Variants in TTC22 observed in about 807,000 individuals in gnomAD.
The protein encoded by TTC22 is tetratricopeptide repeat domain 22.
TTC22 carries 42 observed loss-of-function variants against 48.2 expected under a neutral mutation model. The ratio of observed to expected loss-of-function variants is 0.87; its 90% CI spans 0.68 to 1.13. TTC22 has a LOEUF of 1.13. TTC22 is among the 50% of genes most tolerant of loss of function. The pLI is 0.00. For synonymous variants in TTC22, 345 were observed against 365.5 expected, an observed-to-expected ratio of 0.94 and a Z score of 0.64; for missense variants, 784 against 807.0, an observed-to-expected ratio of 0.97 and a Z score of 0.34.
chr1:54,795,220 C>T (rs1646381646), intron 1 of TTC22, among the ~76,000 whole-genome samples: 1 of 152,268 alleles, frequency 6.6e-6, no homozygotes, highest in Admixed American at 6.5e-5. Flanking sequence ...CATCTGCAAA[C>T]AGGGGTGACC....
In TTC22 at chr1:54,787,404, G is replaced by A. The variant is rs1209469123; in HGVS notation, c.739+307C>T. The A allele has an allele frequency of 6.8e-5, 38 of 558,402 alleles. 1 individual carries two copies. Among genetic ancestry groups the A allele is most frequent in the South Asian group, 5.4e-4 (25 of 45,976 alleles). The allele number at this position is 558,402 out of a possible 1,614,324, so 34.6% of individuals were successfully genotyped here. On this transcript the variant is annotated intron_variant, in intron 3 of 6. Transcript: ENST00000371276. ...GTCTGGCCCTGCAAAAAAATGACTCGACTCCTCTCCAACAGAGGCTTCAAT... is the reference window on the plus strand; with the variant it reads ...GTCTGGCCCTGCAAAAAAATGACTCAACTCCTCTCCAACAGAGGCTTCAAT...
intron 1 of TTC22, among the ~76,000 whole-genome samples, chr1:54,799,806 C>T (rs1456369941): frequency 1.3e-5 from 2 of 152,214 alleles, no homozygotes; most frequent in African/African-American, 4.8e-5. Flanking sequence ...CAGGCTCTTT[C>T]TAGGTGCTTT....
At chr1:54,789,250 C>A (rs920885468) in intron 1 of TTC22, among the ~76,000 whole-genome samples, 1 of 152,190 alleles carries the variant, frequency 6.6e-6, no homozygotes. Context: ...GAGAGTGGTA[C>A]AGAGGAAGTG....
At chr1:54,796,884 C>G (rs967946393) in intron 1 of TTC22, among the ~76,000 whole-genome samples, 1 of 151,966 alleles carries the variant, frequency 6.6e-6, no homozygotes, top group African/African-American at 2.4e-5. Context: ...GAGAAAAGCC[C>G]AAGACAGAAT....
chr1:54,781,787 CG>C lies in TTC22; in HGVS notation c.1174-9del, dbSNP rs1023459201. 8 of 1,408,128 alleles carry C rather than the reference CG, an allele frequency of 5.7e-6. No homozygotes were observed. In the Admixed American group the frequency reaches 2.1e-4, roughly 38 times the overall value. 87.2% of individuals were successfully genotyped at this position (1,408,128 alleles called of 1,614,324 possible). A position where few individuals can be genotyped will look rare whatever the true frequency, so the allele number is the denominator to read the frequency against. Reference sequence around the variant, plus strand: ...GCCCATATAGTAGTAGACCTGGGGTCGGGGACGCGGGGTGAGCCCTTCACCG... The same window carrying C: ...GCCCATATAGTAGTAGACCTGGGGTCGGGACGCGGGGTGAGCCCTTCACCG... On this transcript the variant is annotated splice_polypyrimidine_tract_variant and intron_variant, in intron 6 of 6. Coordinates refer to ENST00000371276, the MANE Select transcript of TTC22 (RefSeq NM_001114108.2).
intron 1 of TTC22, among the ~76,000 whole-genome samples, chr1:54,797,545 G>A (rs1453426675): frequency 6.6e-6 from 1 of 152,152 alleles, no homozygotes; most frequent in Non-Finnish European, 1.5e-5. Flanking sequence ...CTACTTGGGA[G>A]GCTGAGCTGA....
In TTC22 at chr1:54,781,485, C is replaced by A; in HGVS notation, c.1468G>T (p.Asp490Tyr). Residue 490 changes from aspartate (D) to tyrosine (Y), a missense_variant, in exon 7 of 7, where the codon GAC becomes TAC. By Grantham distance (160) the Asp-to-Tyr change is radical. Transcript: ENST00000371276. ...TCCACCTCGCGGCCCAGCTCCCCGT[C>A]GCTCAGCTGTGCCTGGCTCCACTGC... Reference protein sequence around the residue: ...LAQWSQAQLSDGELGREVDAW... With the variant: ...LAQWSQAQLSYGELGREVDAW... The A allele has an allele frequency of 1.4e-6, 2 of 1,479,338 alleles. No homozygotes were observed. The highest frequency in any genetic ancestry group is 8.9e-7 in the Non-Finnish European group (1 of 1,124,256). The allele number at this position is 1,479,338 out of a possible 1,614,324, so 91.6% of individuals were successfully genotyped here. A position where few individuals can be genotyped will look rare whatever the true frequency, so the allele number is the denominator to read the frequency against.
rs1226132441 is a variant in TTC22 at position 54,781,521 on chromosome 1, C to T, written c.1432G>A (p.Ala478Thr). The T allele has an allele frequency of 6.6e-7, 1 of 1,512,882 alleles. No individual in the cohort carries two copies. The highest frequency in any genetic ancestry group is 8.8e-7 in the Non-Finnish European group (1 of 1,138,082). The allele number at this position is 1,512,882 out of a possible 1,614,324, so 93.7% of individuals were successfully genotyped here. ...GCCTGGCTCCACTGCGCCAGCAGCGCCTCGAGCAGGCAGCCGAAGCCGTCG... is the reference window on the plus strand; with the variant it reads ...GCCTGGCTCCACTGCGCCAGCAGCGTCTCGAGCAGGCAGCCGAAGCCGTCG... ...HTDGFGCLLE[A>T]LLAQWSQAQL... is the part of the protein sequence containing the mutation. Residue 478 changes from alanine (A) to threonine (T), a missense_variant, in exon 7 of 7, where the codon GCG becomes ACG. Ala to Thr is a moderately conservative substitution (Grantham distance 58). Coordinates refer to ENST00000371276, the MANE Select transcript of TTC22 (RefSeq NM_001114108.2).
chr1:54,786,195 G>C lies in TTC22; in HGVS notation c.859-51C>G, dbSNP rs761345449. 1.0e-5 allele frequency: 16 copies of C among 1,579,050 alleles called. No homozygotes were observed. In the Admixed American group the frequency reaches 2.5e-4, roughly 25 times the overall value. On this transcript the variant is annotated intron_variant, in intron 4 of 6. Transcript: ENST00000371276. ...AAACCACTTGCTTGGTCATTAGCCA[G>C]AGCTGGCTAAACAGTGCTGAACCAC...
rs189050634 is a variant in TTC22 at position 54,780,972 on chromosome 1, G to C, written c.*271C>G. The C allele has an allele frequency of 2.7e-3, 914 of 341,830 alleles. 7 individuals carry two copies. Among genetic ancestry groups the C allele is most frequent in the African/African-American group, 0.018 (828 of 46,776 alleles). 21.2% of individuals were successfully genotyped at this position (341,830 alleles called of 1,614,324 possible). On this transcript the variant is annotated 3_prime_UTR_variant, in exon 7 of 7. Coordinates refer to ENST00000371276, the MANE Select transcript of TTC22 (RefSeq NM_001114108.2). ...CCATCTTATTTTACCTGTATGTCTA[G>C]AAAATTCTGTCCCTTAATTGGCAGC...
rs367759810 is a variant in TTC22, at chr1:54,801,210, T to A, written c.-47A>T. The A allele has an allele frequency of 2.5e-5, 40 of 1,571,414 alleles. No individual in the cohort carries two copies. Among genetic ancestry groups the A allele is most frequent in the Non-Finnish European group, 2.9e-5 (33 of 1,150,012 alleles). On this transcript the variant is annotated 5_prime_UTR_variant, in exon 1 of 7. Coordinates refer to ENST00000371276, the MANE Select transcript of TTC22 (RefSeq NM_001114108.2). ...GGCCTCACCCTTGTCCCTGAGGCTGTGGAGGGCAGTGGATGGGGGCGTTCC... is the reference window on the plus strand; with the variant it reads ...GGCCTCACCCTTGTCCCTGAGGCTGAGGAGGGCAGTGGATGGGGGCGTTCC...
intron 1 of TTC22, among the ~76,000 whole-genome samples, chr1:54,800,202 A>G (rs1646422389): frequency 6.6e-6 from 1 of 152,164 alleles, no homozygotes; most frequent in South Asian, 2.1e-4. Context: ...CTCCCTTCAC[A>G]TGGAGGTGAG....
intron 1 of TTC22, among the ~76,000 whole-genome samples, chr1:54,788,941 T>C (rs550034687): frequency 5.9e-5 from 9 of 152,338 alleles, no homozygotes; most frequent in African/African-American, 2.2e-4. Context: ...ACTCACAACC[T>C]GGCAGGGGAA....
chr1:54,798,389 C>T (rs1240543280), intron 1 of TTC22, among the ~76,000 whole-genome samples: 14 of 152,216 alleles, frequency 9.2e-5, no homozygotes, highest in Non-Finnish European at 2.9e-5. Context: ...TCCACAGGGC[C>T]CGGACTTTCC....
Position 54,801,180 on chromosome 1 carries a change from C to G in TTC22, c.-17G>C. 6.2e-7 allele frequency: 1 copy of G among 1,608,126 alleles called. No homozygotes were observed. Among genetic ancestry groups the G allele is most frequent in the Non-Finnish European group, 8.5e-7 (1 of 1,176,624 alleles). On this transcript the variant is annotated 5_prime_UTR_variant, in exon 1 of 7. Transcript: ENST00000371276. Reference sequence around the variant, plus strand: ...CTCCGCCATGACTGCTCCCTCTGCTCCCCTGGCCTCACCCTTGTCCCTGAG... The same window carrying G: ...CTCCGCCATGACTGCTCCCTCTGCTGCCCTGGCCTCACCCTTGTCCCTGAG...
In TTC22 at chr1:54,781,571, A is replaced by T. The variant is rs988431872; in HGVS notation, c.1382T>A (p.Leu461Gln). The T allele has an allele frequency of 1.3e-6, 2 of 1,522,602 alleles. No homozygotes were observed. Among genetic ancestry groups the T allele is most frequent in the African/African-American group, 2.8e-5 (2 of 70,898 alleles). The allele number at this position is 1,522,602 out of a possible 1,614,324, so 94.3% of individuals were successfully genotyped here. A position where few individuals can be genotyped will look rare whatever the true frequency, so the allele number is the denominator to read the frequency against. ...GGTGTGGCTGGAGCCCGCGTCGTCC[A>T]GCTCCACTGCGCGCTTGAAGCAGGC... ...AAACFKRAVE[L>Q]DDAGSSHTDG... Residue 461 changes from leucine to glutamine, a missense_variant, in exon 7 of 7, where the codon CTG becomes CAG. Transcript: ENST00000371276.
chr1:54,784,618 A>T, intron 5 of TTC22: 1 of 1,088,836 alleles, frequency 9.2e-7, no homozygotes, highest in Non-Finnish European at 1.1e-6. Context: ...TGTCATTATT[A>T]TCTAGAATAA....
In TTC22 at chr1:54,800,858, G is replaced by A. The variant is rs1325247165; in HGVS notation, c.306C>T (p.Ala102=). ...VAHEHPGNLN[A]WANLAHVYGR... ...CGTACACGTGTGCCAGATTGGCCCAGGCATTGAGGTTGCCCGGGTGCTCGT... is the reference window on the plus strand; with the variant it reads ...CGTACACGTGTGCCAGATTGGCCCAAGCATTGAGGTTGCCCGGGTGCTCGT... The change falls in exon 1 of 7, where the codon GCC becomes GCT. Residue 102 remains alanine, a synonymous_variant. Transcript: ENST00000371276. 8.1e-6 allele frequency: 13 copies of A among 1,609,992 alleles called. No homozygotes were observed. The highest frequency in any genetic ancestry group is 1.1e-5 in the Non-Finnish European group (13 of 1,179,034).
At position 54,801,052 on chromosome 1, in the gene TTC22, G is replaced by C. The variant is rs767729891; in HGVS notation, c.112C>G (p.Pro38Ala). The C allele has an allele frequency of 1.9e-6, 3 of 1,612,274 alleles. No individual in the cohort carries two copies. The highest frequency in any genetic ancestry group is 2.5e-6 in the Non-Finnish European group (3 of 1,179,728). ...EMQLNFEPRS[P>A]APQRARDLKL... ...AGGTCCCGGGCGCGCTGTGGGGCCG[G>C]CGAGCGCGGCTCGAAGTTCAACTGC... Residue 38 changes from proline to alanine, a missense_variant, in exon 1 of 7, where the codon CCG (proline) becomes GCG (alanine). Physicochemically the swap from Pro to Ala is conservative, Grantham distance 27. Coordinates refer to ENST00000371276, the MANE Select transcript of TTC22 (RefSeq NM_001114108.2).
Sources: allele counts gnomAD v4.1 joint callset (sites outside exome capture counted in the v4.1 genomes callset), GRCh38; gene constraint gnomAD v4.1.1; transcripts MANE v1.5; gene names NCBI Gene and HGNC (gene_info 2026-07-23, HGNC 2026-07-21).